Variants in TSPAN18 observed in about 807,000 individuals in gnomAD.
TSPAN18 encodes tetraspanin-18.
Under a neutral mutation model 27.3 loss-of-function variants are expected in TSPAN18, and 14 were observed. The observed-to-expected ratio is 0.51, with a 90% confidence interval of 0.34 to 0.80. The LOEUF (loss-of-function observed/expected upper bound fraction) is 0.80, where lower values mean the gene tolerates loss of function less well. Ranked by LOEUF, TSPAN18 falls within the 30% of genes least tolerant of loss-of-function variation. TSPAN18 has a pLI of 0.01. For missense variants in TSPAN18, 268 were observed against 323.9 expected (o/e 0.83, Z 1.32); for synonymous variants, 143 against 136.5 (o/e 1.05, Z -0.33).
At chr11:44,771,260 G>A (rs1855683890) in intron 2 of TSPAN18, among the ~76,000 whole-genome samples, 1 of 152,218 alleles carries the variant, frequency 6.6e-6, no homozygotes, top group South Asian at 2.1e-4. Context: ...GCAAAGGTGA[G>A]AGGCTTGAGG....
intron 2 of TSPAN18, among the ~76,000 whole-genome samples, chr11:44,826,746 G>T (rs1181296525): frequency 1.3e-5 from 2 of 152,232 alleles, no homozygotes; most frequent in South Asian, 4.1e-4. Flanking sequence ...CTGGATGTTT[G>T]TGTGCCCTTG....
At chr11:44,739,717 A>C in intron 1 of TSPAN18, among the ~76,000 whole-genome samples, 1 of 152,256 alleles carries the variant, frequency 6.6e-6, no homozygotes, top group East Asian at 1.9e-4. Context: ...GAAATAAAAC[A>C]AAAGCATATT....
chr11:44,800,722 G>A lies in TSPAN18; in HGVS notation c.-153+36210G>A, dbSNP rs186896622. Reference sequence around the variant, plus strand: ...GGAACAGATTTGGCCCAACCCCCTCGTAGTCTCTTCCTGAGAAGGGGCCTT... The same window carrying A: ...GGAACAGATTTGGCCCAACCCCCTCATAGTCTCTTCCTGAGAAGGGGCCTT... On this transcript the variant is annotated intron_variant, in intron 2 of 9. Transcript: ENST00000520358. 1.4e-4 allele frequency among the ~76,000 whole-genome samples: 21 copies of A among 152,296 alleles called. 1 individual carries two copies. In the East Asian group the frequency reaches 2.1e-3, roughly 15 times the overall value.
At chr11:44,768,237 T>C (rs1289324243) in intron 2 of TSPAN18, among the ~76,000 whole-genome samples, 1 of 152,226 alleles carries the variant, frequency 6.6e-6, no homozygotes, top group African/African-American at 2.4e-5. Flanking sequence ...TTTTGAACAC[T>C]GATCAGTGTT....
At chr11:44,901,965 G>A (rs1859278554) in intron 3 of TSPAN18, among the ~76,000 whole-genome samples, 6 of 152,224 alleles carry the variant, frequency 3.9e-5, no homozygotes, top group Admixed American at 3.9e-4. Flanking sequence ...ATGAGTCAGT[G>A]CTCAATAAAT....
intron 1 of TSPAN18, among the ~76,000 whole-genome samples, chr11:44,750,569 C>T (rs987303550): frequency 6.6e-6 from 1 of 151,952 alleles, no homozygotes; most frequent in East Asian, 1.9e-4. Flanking sequence ...CATCTCCCTC[C>T]ACTTCCCACA....
intron 2 of TSPAN18, among the ~76,000 whole-genome samples, chr11:44,782,551 A>T (rs1199666938): frequency 2.0e-5 from 3 of 151,542 alleles, no homozygotes; most frequent in Non-Finnish European, 4.4e-5. Context: ...TCCACAAAAA[A>T]AAAAAAAAAA....
rs1219544109 is a variant in TSPAN18 at position 44,931,949 on chromosome 11, T to G, written c.*2771T>G. ...AGACTACACCGCTCATCACAAACCC[T>G]GCCTGTATCGAAAGCCACTTTCCTG... On this transcript the variant is annotated 3_prime_UTR_variant, in exon 10 of 10. Transcript: ENST00000520358. 1 of 152,296 alleles carries G rather than the reference T, an allele frequency of 6.6e-6. No homozygotes were observed. The highest frequency in any genetic ancestry group is 1.5e-5 in the Non-Finnish European group (1 of 68,080). 9.4% of individuals were successfully genotyped at this position (152,296 alleles called of 1,614,324 possible).
chr11:44,757,718 T>A (rs1475703538), intron 1 of TSPAN18, among the ~76,000 whole-genome samples: 1 of 152,214 alleles, frequency 6.6e-6, no homozygotes, highest in Non-Finnish European at 1.5e-5. Context: ...CATTTCCTAA[T>A]GTTTAGTGAT....
chr11:44,767,766 G>A (rs1169647156), intron 2 of TSPAN18, among the ~76,000 whole-genome samples: 1 of 152,188 alleles, frequency 6.6e-6, no homozygotes, highest in African/African-American at 2.4e-5. Flanking sequence ...TTCTTTTTGA[G>A]TTAATTTTCA....
At chr11:44,753,372 C>T (rs940448817) in intron 1 of TSPAN18, among the ~76,000 whole-genome samples, 2 of 152,074 alleles carry the variant, frequency 1.3e-5, no homozygotes, top group Non-Finnish European at 2.9e-5. Context: ...CCTCACGATC[C>T]GCCCGCCTCA....
intron 2 of TSPAN18, among the ~76,000 whole-genome samples, chr11:44,840,358 A>G (rs1768746880): frequency 6.6e-6 from 1 of 152,218 alleles, no homozygotes; most frequent in Non-Finnish European, 1.5e-5. Flanking sequence ...TAGATGTCAT[A>G]AGACATCAAA....
chr11:44,779,065 C>T (rs1855877900), intron 2 of TSPAN18, among the ~76,000 whole-genome samples: 1 of 152,134 alleles, frequency 6.6e-6, no homozygotes, highest in African/African-American at 2.4e-5. Flanking sequence ...CACTGGGGAT[C>T]CTGAAAGAGC....
At chr11:44,876,776 T>TACTG (rs750088313) in intron 3 of TSPAN18, among the ~76,000 whole-genome samples, 5 of 152,250 alleles carry the variant, frequency 3.3e-5, no homozygotes. Context: ...TACTCTTTGG[T>TACTG]ACTGCTTCAG....
chr11:44,767,146 G>A (rs532092460), intron 2 of TSPAN18, among the ~76,000 whole-genome samples: 1 of 152,300 alleles, frequency 6.6e-6, no homozygotes. Flanking sequence ...GGCTGTGAGA[G>A]GGACCTGGGT....
At chr11:44,869,133 C>T (rs1858121442) in intron 3 of TSPAN18, among the ~76,000 whole-genome samples, 1 of 152,286 alleles carries the variant, frequency 6.6e-6, no homozygotes, top group East Asian at 1.9e-4. Context: ...AGAAAGTGAT[C>T]AGCAAGGATG....
intron 2 of TSPAN18, among the ~76,000 whole-genome samples, chr11:44,827,526 G>C (rs147083651): frequency 6.6e-6 from 1 of 152,200 alleles, no homozygotes; most frequent in African/African-American, 2.4e-5. Flanking sequence ...GAAGATGGGG[G>C]TGTCTCCAGG....
At chr11:44,906,956 C>T (rs1267356704) in intron 4 of TSPAN18, among the ~76,000 whole-genome samples, 2 of 152,240 alleles carry the variant, frequency 1.3e-5, no homozygotes, top group Non-Finnish European at 2.9e-5. Flanking sequence ...AGTGCTGCAT[C>T]TTAGCAGCTT....
chr11:44,911,489 A>G lies in TSPAN18; in HGVS notation c.258+1590A>G, dbSNP rs74673512. 2.7e-3 allele frequency among the ~76,000 whole-genome samples: 410 copies of G among 152,282 alleles called. 6 individuals are homozygous for G. Among genetic ancestry groups the G allele is most frequent in the East Asian group, 0.022 (112 of 5,168 alleles). On this transcript the variant is annotated intron_variant, in intron 5 of 9. Coordinates refer to ENST00000520358, the MANE Select transcript of TSPAN18 (RefSeq NM_130783.5). ...CTGCAGACTTCATTTGAAGAGAAACAAAGAAAAACTTTGAGCGCCCCCTGG... is the reference window on the plus strand; with the variant it reads ...CTGCAGACTTCATTTGAAGAGAAACGAAGAAAAACTTTGAGCGCCCCCTGG...
Sources: allele counts gnomAD v4.1 joint callset (sites outside exome capture counted in the v4.1 genomes callset), GRCh38; gene constraint gnomAD v4.1.1; transcripts MANE v1.5; gene names NCBI Gene and HGNC (gene_info 2026-07-23, HGNC 2026-07-21).